DOK6: variants seen among roughly 807,000 people sequenced by gnomAD.
The protein encoded by DOK6 is docking protein 6.
A neutral mutation model predicts 44.0 loss-of-function variants in DOK6; 22 were observed. That is an observed-to-expected ratio of 0.50 (90% confidence interval 0.36 to 0.71). The LOEUF (loss-of-function observed/expected upper bound fraction) is 0.71. Among genes scored for constraint, DOK6 ranks in the 30% least tolerant of loss-of-function variants. The pLI, the probability that DOK6 is intolerant of heterozygous loss-of-function variation, is 0.00. For synonymous variants in DOK6, 166 were observed against 145.5 expected (o/e 1.14, Z -1.01); for missense variants, 340 against 416.4 (o/e 0.82, Z 1.60).
intron 6 of DOK6, among the ~76,000 whole-genome samples, chr18:69,756,726 G>A (rs1171753745): frequency 2.0e-5 from 3 of 152,152 alleles, no homozygotes; most frequent in Admixed American, 1.3e-4. Flanking sequence ...CAAGCATCGA[G>A]GACCAGGCAC....
chr18:69,777,596 C>T (rs1980113562), intron 7 of DOK6, among the ~76,000 whole-genome samples: 1 of 151,758 alleles, frequency 6.6e-6, no homozygotes, highest in Non-Finnish European at 1.5e-5. Flanking sequence ...ATTAACAGAC[C>T]TATCACAAAG....
chr18:69,450,926 G>A (rs2122457707), intron 1 of DOK6, among the ~76,000 whole-genome samples: 1 of 150,188 alleles, frequency 6.7e-6, no homozygotes, highest in African/African-American at 2.5e-5. Flanking sequence ...AACATGGAAA[G>A]GAACAACCGG....
rs118157557 is a variant in DOK6 at position 69,785,946 on chromosome 18, G to A, written c.856+28073G>A. 1.8e-3 allele frequency among the ~76,000 whole-genome samples: 271 copies of A among 152,150 alleles called. 1 individual carries two copies. Among genetic ancestry groups the A allele is most frequent in the Non-Finnish European group, 2.8e-3 (189 of 67,988 alleles). The stretch of plus-strand genomic sequence containing the variant: ...GTTAGACCTTCAAATTAAGTCATAC[G>A]TACTCAGCTAGTCTTAATGCCATTA... On this transcript the variant is annotated intron_variant, in intron 7 of 7. Transcript: ENST00000382713.
In DOK6 at chr18:69,442,777, C is replaced by T. The variant is rs184158505; in HGVS notation, c.66+41467C>T. 2.3e-3 allele frequency among the ~76,000 whole-genome samples: 345 copies of T among 147,326 alleles called. 1 individual carries two copies. The highest frequency in any genetic ancestry group is 7.0e-3 in the Middle Eastern group (2 of 284). On this transcript the variant is annotated intron_variant, in intron 1 of 7. Coordinates refer to ENST00000382713, the MANE Select transcript of DOK6 (RefSeq NM_152721.6). The stretch of plus-strand genomic sequence containing the variant: ...ATGTTGCTTATTGTCTTATACTATA[C>T]TTATATATGTTGCTTATTGTCTTGA...
rs1428540681 is a variant in DOK6, at chr18:69,412,658, A to AAAAAT, written c.66+11362_66+11366dup. On this transcript the variant is annotated intron_variant, in intron 1 of 7. Transcript: ENST00000382713. ...GGCTAAAGTATGCCTCCATAAGTAA[A>AAAAAT]AAAATAAAATAAAATAAATGTCTAT... 7.9e-5 allele frequency among the ~76,000 whole-genome samples: 12 copies of AAAAAT among 152,274 alleles called. 1 individual carries two copies. The highest frequency in any genetic ancestry group is 2.9e-4 in the African/African-American group (12 of 41,566).
intron 1 of DOK6, among the ~76,000 whole-genome samples, chr18:69,452,331 T>A (rs1333566698): frequency 6.6e-6 from 1 of 151,316 alleles, no homozygotes; most frequent in Non-Finnish European, 1.5e-5. Context: ...GATACATTCC[T>A]CAACACATAC....
intron 1 of DOK6, among the ~76,000 whole-genome samples, chr18:69,449,451 G>T (rs551693441): frequency 6.6e-6 from 1 of 152,144 alleles, no homozygotes. Context: ...ATATGTTATC[G>T]AAATACCTTA....
At chr18:69,439,479 T>C (rs1431057719) in intron 1 of DOK6, among the ~76,000 whole-genome samples, 1 of 152,242 alleles carries the variant, frequency 6.6e-6, no homozygotes, top group Non-Finnish European at 1.5e-5. Context: ...GAAGGCTGTT[T>C]TATCTAAATT....
intron 3 of DOK6, among the ~76,000 whole-genome samples, chr18:69,616,648 G>T (rs1311640832): frequency 6.6e-6 from 1 of 152,132 alleles, no homozygotes; most frequent in Non-Finnish European, 1.5e-5. Context: ...GGTTGTTGAA[G>T]AGTTGTCATT....
At chr18:69,678,863 A>C (rs1224805541) in intron 4 of DOK6, among the ~76,000 whole-genome samples, 1 of 120,470 alleles carries the variant, frequency 8.3e-6, no homozygotes, top group Non-Finnish European at 1.9e-5. Context: ...GATATTGAGG[A>C]AACTTGACAT....
At position 69,779,689 on chromosome 18, in the gene DOK6, C is replaced by CGTGTGTGT. The variant is rs58775349; in HGVS notation, c.856+21840_856+21847dup. Among the ~76,000 whole-genome samples, 849 of 146,864 alleles carry CGTGTGTGT rather than the reference C, an allele frequency of 5.8e-3. 4 individuals carry two copies. Among genetic ancestry groups the CGTGTGTGT allele is most frequent in the Non-Finnish European group, 7.3e-3 (485 of 66,432 alleles). On this transcript the variant is annotated intron_variant, in intron 7 of 7. Coordinates refer to ENST00000382713, the MANE Select transcript of DOK6 (RefSeq NM_152721.6). ...AACAATAGGAGAGGTCTCTCTGCCC[C>CGTGTGTGT]GTGTGTGTGTGTGTGTGTGTGTGTG...
intron 1 of DOK6, among the ~76,000 whole-genome samples, chr18:69,510,133 G>A (rs927142983): frequency 6.6e-6 from 1 of 152,118 alleles, no homozygotes; most frequent in African/African-American, 2.4e-5. Context: ...AAGTCATTTT[G>A]GCTAAAGTTT....
chr18:69,545,116 T>TAA (rs11415632), intron 1 of DOK6, among the ~76,000 whole-genome samples: 34,813 of 144,910 alleles, frequency 0.24, 5,130 homozygotes, highest in East Asian at 0.49. Flanking sequence ...CGAGACACCA[T>TAA]AAAAAAAAAA....
At chr18:69,506,892 T>C (rs989152666) in intron 1 of DOK6, among the ~76,000 whole-genome samples, 9 of 143,786 alleles carry the variant, frequency 6.3e-5, no homozygotes, top group Non-Finnish European at 9.4e-5. Flanking sequence ...CACACACACA[T>C]ATGTACATAT....
At chr18:69,512,137 G>T (rs748092324) in intron 1 of DOK6, among the ~76,000 whole-genome samples, 1 of 140,338 alleles carries the variant, frequency 7.1e-6, no homozygotes, top group East Asian at 2.1e-4. Context: ...TTTTATTTTT[G>T]TGGAAATTAT....
chr18:69,533,168 T>A (rs1248814550), intron 1 of DOK6, among the ~76,000 whole-genome samples: 1 of 152,198 alleles, frequency 6.6e-6, no homozygotes, highest in African/African-American at 2.4e-5. Flanking sequence ...ACAAAACAGT[T>A]CTTTTCATTG....
At chr18:69,482,524 G>T (rs1980456928) in intron 1 of DOK6, among the ~76,000 whole-genome samples, 2 of 152,128 alleles carry the variant, frequency 1.3e-5, no homozygotes, top group Non-Finnish European at 2.9e-5. Context: ...AACATTAAGT[G>T]TCCTCATGAC....
intron 1 of DOK6, among the ~76,000 whole-genome samples, chr18:69,421,118 TA>T (rs1978480694): frequency 6.6e-6 from 1 of 152,204 alleles, no homozygotes; most frequent in Non-Finnish European, 1.5e-5. Context: ...GTACTTATTT[TA>T]AAACCTGAAA....
At chr18:69,425,278 T>C (rs1297644878) in intron 1 of DOK6, among the ~76,000 whole-genome samples, 1 of 151,908 alleles carries the variant, frequency 6.6e-6, no homozygotes, top group East Asian at 1.9e-4. Flanking sequence ...TATAATAATT[T>C]TTTCTTTTCC....
Sources: gnomAD v4.1 joint callset for allele counts (sites outside exome capture counted in the v4.1 genomes callset) on GRCh38, gnomAD v4.1.1 for gene constraint, MANE v1.5 for transcripts, NCBI Gene and HGNC (gene_info 2026-07-23, HGNC 2026-07-21) for gene names.